The following KCNIP4 variants were observed in gnomAD, a reference collection of about 807,000 sequenced individuals.
The protein encoded by KCNIP4 is Kv channel-interacting protein 4.
In KCNIP4, 12 loss-of-function variants were observed where a neutral mutation model predicts 34.0. The observed-to-expected ratio is 0.35, with a 90% CI of 0.23 to 0.57. The LOEUF (loss-of-function observed/expected upper bound fraction) is 0.57, where lower values mean the gene tolerates loss of function less well. KCNIP4 is among the 20% of genes least tolerant of loss of function. The pLI is 0.83. For synonymous variants in KCNIP4, 124 were observed against 102.2 expected (o/e 1.21, Z -1.29); for missense variants, 238 against 311.7 (o/e 0.76, Z 1.78).
At chr4:21,088,495 A>G (rs1436204889) in intron 1 of KCNIP4, among the ~76,000 whole-genome samples, 3 of 152,178 alleles carry the variant, frequency 2.0e-5, no homozygotes, top group African/African-American at 7.2e-5. Context: ...ATCAACAAAA[A>G]GCAAAACTTA....
At chr4:21,716,171 G>A (rs1560658831) in intron 1 of KCNIP4, among the ~76,000 whole-genome samples, 1 of 152,156 alleles carries the variant, frequency 6.6e-6, no homozygotes, top group Non-Finnish European at 1.5e-5. Flanking sequence ...GTTGTCTACG[G>A]AACCCCAAGT....
chr4:20,877,859 G>A (rs865777673), intron 2 of KCNIP4, among the ~76,000 whole-genome samples: 1 of 152,164 alleles, frequency 6.6e-6, no homozygotes, highest in Middle Eastern at 3.4e-3. Context: ...TCAGTTGTGG[G>A]ATTCTGCTCA....
chr4:21,542,189 T>C (rs1737761774), intron 1 of KCNIP4, among the ~76,000 whole-genome samples: 1 of 151,866 alleles, frequency 6.6e-6, no homozygotes, highest in Non-Finnish European at 1.5e-5. Flanking sequence ...CAGATGTGTC[T>C]ACCACCCAAT....
chr4:20,905,505 C>CTTTTT (rs1182454951), intron 1 of KCNIP4, among the ~76,000 whole-genome samples: 1 of 37,030 alleles, frequency 2.7e-5, no homozygotes, highest in African/African-American at 7.4e-5. Flanking sequence ...TGAACGTTTT[C>CTTTTT]TTTCTTTTTT....
rs188972369 is a variant in KCNIP4 at position 21,319,925 on chromosome 4, T to C, written c.62-437216A>G. Among the ~76,000 whole-genome samples the C allele has an allele frequency of 4.0e-4, 61 of 152,264 alleles. 1 individual carries two copies. The highest frequency in any genetic ancestry group is 1.4e-3 in the African/African-American group (59 of 41,562). ...AGAATAGGATAGAACTGGTGAGTGT[T>C]TTGCAAATAGAAAAGGCATTATTTT... On this transcript the variant is annotated intron_variant, in intron 1 of 8. Transcript: ENST00000382152.
At position 21,604,648 on chromosome 4, in the gene KCNIP4, T is replaced by C. The variant is rs563803583; in HGVS notation, c.61+343923A>G. Among the ~76,000 whole-genome samples the C allele has an allele frequency of 6.6e-5, 10 of 152,346 alleles. No individual in the cohort carries two copies. In the South Asian group the frequency reaches 2.1e-3, roughly 32 times the overall value. On this transcript the variant is annotated intron_variant, in intron 1 of 8. Coordinates refer to ENST00000382152, the MANE Select transcript of KCNIP4 (RefSeq NM_025221.6). ...TCTTTTATTTCCATACAGAGTTTCA[T>C]AGATTGTCTATATTTAAGATAAAGC... is the stretch of plus-strand genomic sequence containing the variant.
chr4:21,548,227 C>T (rs358834), intron 1 of KCNIP4, among the ~76,000 whole-genome samples: 133,424 of 152,136 alleles, frequency 0.88, 58,708 homozygotes, highest in East Asian at 0.99. Context: ...TGTTTATATT[C>T]TGCAGCATTT....
At chr4:21,291,931 G>GAAA (rs1763540556) in intron 1 of KCNIP4, among the ~76,000 whole-genome samples, 1 of 67,296 alleles carries the variant, frequency 1.5e-5, no homozygotes, top group African/African-American at 1.0e-4. Context: ...AAGAAAGAAA[G>GAAA]AAAGAAAAAA....
At chr4:20,739,210 C>T (rs529849880) in intron 5 of KCNIP4, among the ~76,000 whole-genome samples, 1 of 152,340 alleles carries the variant, frequency 6.6e-6, no homozygotes, top group African/African-American at 2.4e-5. Flanking sequence ...TTAAACATCC[C>T]TGTCTGACAG....
At chr4:20,803,864 A>T (rs891020392) in intron 3 of KCNIP4, among the ~76,000 whole-genome samples, 1 of 152,146 alleles carries the variant, frequency 6.6e-6, no homozygotes, top group African/African-American at 2.4e-5. Context: ...ATTTATGAGA[A>T]AAAGGAGGAA....
rs143218915 is a variant in KCNIP4, at chr4:21,361,115, A to G, written c.62-478406T>C. Among the ~76,000 whole-genome samples, 1,161 of 152,138 alleles carry G rather than the reference A, an allele frequency of 7.6e-3. 11 individuals carry two copies. Among genetic ancestry groups the G allele is most frequent in the African/African-American group, 0.026 (1,098 of 41,520 alleles). On this transcript the variant is annotated intron_variant, in intron 1 of 8. Coordinates refer to ENST00000382152, the MANE Select transcript of KCNIP4 (RefSeq NM_025221.6). ...CCAGTTTCTTATTCTGAAATTACTC[A>G]TTACTGACTTATTCTTAGATAATCT...
At chr4:20,998,449 CA>C (rs779033021) in intron 1 of KCNIP4, among the ~76,000 whole-genome samples, 3 of 152,180 alleles carry the variant, frequency 2.0e-5, no homozygotes, top group Non-Finnish European at 4.4e-5. Flanking sequence ...TCAACCATAA[CA>C]TGTGATCTAC....
At chr4:21,325,511 A>T (rs765746981) in intron 1 of KCNIP4, among the ~76,000 whole-genome samples, 81 of 151,798 alleles carry the variant, frequency 5.3e-4, no homozygotes, top group Admixed American at 1.3e-3. Context: ...TAGTCTGTCT[A>T]AAGTTCTGTC....
chr4:21,793,113 A>C (rs564212973), intron 1 of KCNIP4, among the ~76,000 whole-genome samples: 1 of 152,224 alleles, frequency 6.6e-6, no homozygotes, highest in Admixed American at 6.5e-5. Context: ...TAAAAAAACC[A>C]AAGCCTAAAA....
At chr4:21,587,586 T>C (rs887975916) in intron 1 of KCNIP4, among the ~76,000 whole-genome samples, 1 of 151,962 alleles carries the variant, frequency 6.6e-6, no homozygotes, top group Non-Finnish European at 1.5e-5. Flanking sequence ...ACAGTAATAA[T>C]GGCTAACATG....
intron 1 of KCNIP4, among the ~76,000 whole-genome samples, chr4:21,076,224 C>G (rs954964609): frequency 6.6e-6 from 1 of 152,108 alleles, no homozygotes; most frequent in Non-Finnish European, 1.5e-5. Context: ...GGATAATATC[C>G]TGCAGAGTGT....
At position 21,247,920 on chromosome 4, in the gene KCNIP4, C is replaced by CAT. The variant is rs780567310; in HGVS notation, c.62-365213_62-365212dup. On this transcript the variant is annotated intron_variant, in intron 1 of 8. Coordinates refer to ENST00000382152, the MANE Select transcript of KCNIP4 (RefSeq NM_025221.6). ...ATATATATATATATACACACACACA[C>CAT]ATATATATATACACACATATATATA... Among the ~76,000 whole-genome samples, 1,175 of 132,514 alleles carry CAT rather than the reference C, an allele frequency of 8.9e-3. 19 individuals carry two copies. Among genetic ancestry groups the CAT allele is most frequent in the Non-Finnish European group, 0.015 (959 of 64,172 alleles). 86.9% of individuals were successfully genotyped at this position (132,514 alleles called of 152,430 possible).
rs868592443 is a variant in KCNIP4 at position 21,519,343 on chromosome 4, T to G, written c.61+429228A>C. On this transcript the variant is annotated intron_variant, in intron 1 of 8. Coordinates refer to ENST00000382152, the MANE Select transcript of KCNIP4 (RefSeq NM_025221.6). The stretch of plus-strand genomic sequence containing the variant: ...ACAGAAATAATAGGAGAGAGAGAGA[T>G]ACACACACACACACACACACACACA... 5.2e-5 allele frequency among the ~76,000 whole-genome samples: 6 copies of G among 115,144 alleles called. No homozygotes were observed. The East Asian group carries it at 1.4e-3, about 27-fold the overall frequency. The allele number at this position is 115,144 out of a possible 152,430, so 75.5% of individuals were successfully genotyped here.
At chr4:21,502,388 C>G (rs1733440219) in intron 1 of KCNIP4, among the ~76,000 whole-genome samples, 1 of 152,034 alleles carries the variant, frequency 6.6e-6, no homozygotes, top group African/African-American at 2.4e-5. Context: ...TTAGATCTTG[C>G]CTAAATGAAT....
Sources: allele counts gnomAD v4.1 joint callset (sites outside exome capture counted in the v4.1 genomes callset), GRCh38; gene constraint gnomAD v4.1.1; transcripts MANE v1.5; gene names NCBI Gene and HGNC (gene_info 2026-07-23, HGNC 2026-07-21).